MTO1: variants seen among roughly 807,000 people sequenced by gnomAD.
The protein encoded by MTO1 is mitochondrial tRNA translation optimization 1.
In MTO1, 46 loss-of-function variants were observed where a neutral mutation model predicts 71.6. The observed-to-expected ratio is 0.64, with a 90% CI of 0.51 to 0.82. The LOEUF is 0.82. Among genes scored for constraint, MTO1 ranks in the 40% least tolerant of loss-of-function variants. The pLI is 0.00. For synonymous variants in MTO1, 297 were observed against 312.1 expected (o/e 0.95, Z 0.51); for missense variants, 773 against 867.5 (o/e 0.89, Z 1.37).
At chr6:73,468,358 A>G (rs1275180813) in intron 3 of MTO1, among the ~76,000 whole-genome samples, 1 of 152,028 alleles carries the variant, frequency 6.6e-6, no homozygotes, top group Non-Finnish European at 1.5e-5. Context: ...ACCTCAAGCG[A>G]TCCGCCCACC....
intron 4 of MTO1, among the ~76,000 whole-genome samples, chr6:73,475,163 A>G (rs985778578): frequency 1.3e-5 from 2 of 151,762 alleles, no homozygotes; most frequent in East Asian, 2.0e-4. Flanking sequence ...GGGTCTCGCC[A>G]TATTGCCCAG....
rs1401370703 is a variant in MTO1 at position 73,480,000 on chromosome 6, G to C, written c.1003G>C (p.Glu335Gln). Residue 335 changes from glutamate to glutamine, a missense_variant, in exon 6 of 12, where the codon GAA becomes CAA. By Grantham distance (29) the Glu-to-Gln change is conservative. Coordinates refer to ENST00000498286, the MANE Select transcript of MTO1 (RefSeq NM_012123.4). ...FPNRLHQVWLEPEGMDSDLIY... is the reference protein window; with the variant it reads ...FPNRLHQVWLQPEGMDSDLIY... ...AAACCGTCTACATCAGGTTTGGTTGGAACCTGAAGGAATGGATTCTGACCT... is the reference window on the plus strand; with the variant it reads ...AAACCGTCTACATCAGGTTTGGTTGCAACCTGAAGGAATGGATTCTGACCT... The C allele has an allele frequency of 6.2e-7, 1 of 1,614,084 alleles. No individual in the cohort carries two copies. The highest frequency in any genetic ancestry group is 8.5e-7 in the Non-Finnish European group (1 of 1,179,982).
chr6:73,493,552 G>A (rs1340234298), intron 10 of MTO1, among the ~76,000 whole-genome samples: 1 of 151,514 alleles, frequency 6.6e-6, no homozygotes, highest in African/African-American at 2.4e-5. Flanking sequence ...CACAAGGCCC[G>A]GCAAATTTTT....
chr6:73,494,739 G>A (rs1771934876), intron 10 of MTO1, among the ~76,000 whole-genome samples: 1 of 149,360 alleles, frequency 6.7e-6, no homozygotes, highest in Admixed American at 6.7e-5. Flanking sequence ...GCCTCCCAAA[G>A]TGCTGGGATT....
At chr6:73,494,905 A>G (rs965467433) in intron 10 of MTO1, among the ~76,000 whole-genome samples, 7 of 148,842 alleles carry the variant, frequency 4.7e-5, no homozygotes, top group Non-Finnish European at 8.9e-5. Flanking sequence ...TCAGCCTCTC[A>G]GGTAGCTGGG....
rs1462823709 is a variant in MTO1 at position 73,461,983 on chromosome 6, T to G, written c.129T>G (p.Gly43=). The G allele has an allele frequency of 3.7e-6, 6 of 1,614,050 alleles. No individual in the cohort carries two copies. Among genetic ancestry groups the G allele is most frequent in the Non-Finnish European group, 5.1e-6 (6 of 1,180,038 alleles). The change falls in exon 1 of 12, where the codon GGT becomes GGG. Residue 43 remains glycine, a synonymous_variant. Coordinates refer to ENST00000498286, the MANE Select transcript of MTO1 (RefSeq NM_012123.4). ...RTPHFDVIVI[G]GGHAGTEAAT... ...CGCACTTCGACGTGATAGTCATTGG[T>G]GGAGGACATGCCGGGACTGAGGCAG... is the stretch of plus-strand genomic sequence containing the variant.
chr6:73,493,324 C>T (rs2150042839), intron 10 of MTO1, among the ~76,000 whole-genome samples: 1 of 142,500 alleles, frequency 7.0e-6, no homozygotes, highest in African/African-American at 2.6e-5. Context: ...AGGAGGGCAC[C>T]ACAGTACCAC....
In MTO1 at chr6:73,461,971, G is replaced by A; in HGVS notation, c.117G>A (p.Val39=). ...CGCCCCGGACTCCGCACTTCGACGT[G>A]ATAGTCATTGGTGGAGGACATGCCG... ...SAAPRTPHFD[V]IVIGGGHAGT... The change falls in exon 1 of 12, where the codon GTG becomes GTA. Residue 39 remains valine (V), a synonymous_variant. Coordinates refer to ENST00000498286, the MANE Select transcript of MTO1 (RefSeq NM_012123.4). 1.2e-6 allele frequency: 2 copies of A among 1,614,252 alleles called. No individual in the cohort carries two copies. The highest frequency in any genetic ancestry group is 1.7e-6 in the Non-Finnish European group (2 of 1,180,040).
In MTO1 at chr6:73,479,916, A is replaced by G. The variant is rs1339601009; in HGVS notation, c.939-20A>G. 1 of 1,606,192 alleles carries G rather than the reference A, an allele frequency of 6.2e-7. No homozygotes were observed. Among genetic ancestry groups the G allele is most frequent in the Admixed American group, 1.7e-5 (1 of 59,228 alleles). ...ATCCTCTTTTGTTCATTTCAAGTTT[A>G]TTTAAATGTTCTATTCTAGATACTG... On this transcript the variant is annotated intron_variant, in intron 5 of 11. Transcript: ENST00000498286.
chr6:73,465,271 C>G (rs1166543915), intron 1 of MTO1, among the ~76,000 whole-genome samples: 1 of 151,794 alleles, frequency 6.6e-6, no homozygotes, highest in East Asian at 1.9e-4. Context: ...TCAAGCGATT[C>G]TTTTGCCTCA....
chr6:73,497,715 G>A (rs369526729), intron 10 of MTO1, 21 bp from the exon 11 acceptor site: 24 of 1,604,466 alleles, frequency 1.5e-5, no homozygotes, highest in South Asian at 6.6e-5. Flanking sequence ...ATTATAACAT[G>A]ATTCTGATTT....
At chr6:73,491,396 CAAAAAAA>C (rs1223217073) in intron 9 of MTO1, among the ~76,000 whole-genome samples, 1 of 133,746 alleles carries the variant, frequency 7.5e-6, no homozygotes, top group Admixed American at 8.1e-5. Context: ...CCTGTCTCTA[CAAAAAAA>C]AAAAAAAAAA....
intron 10 of MTO1, chr6:73,492,646 CA>C: frequency 2.0e-4 from 46 of 234,268 alleles, no homozygotes; most frequent in South Asian, 3.8e-4. Context: ...CCTGTCTCTA[CA>C]AAAAAAATAC....
At chr6:73,477,393 CAAAAAAA>C (rs34672070) in intron 4 of MTO1, among the ~76,000 whole-genome samples, 2 of 73,204 alleles carry the variant, frequency 2.7e-5, no homozygotes, top group Non-Finnish European at 5.1e-5. Context: ...GACTATGTCT[CAAAAAAA>C]AAAAAAAAAA....
At chr6:73,485,310 A>G (rs1226151125) in intron 9 of MTO1, among the ~76,000 whole-genome samples, 1 of 152,098 alleles carries the variant, frequency 6.6e-6, no homozygotes, top group Non-Finnish European at 1.5e-5. Context: ...GATTTTTTTT[A>G]AAAAGGTCAG....
chr6:73,484,858 C>G (rs72960049), intron 9 of MTO1, among the ~76,000 whole-genome samples: 5,121 of 151,956 alleles, frequency 0.034, 296 homozygotes, highest in Admixed American at 0.15. Flanking sequence ...AAGTCAAGAC[C>G]AGACATGGCA....
In MTO1 at chr6:73,479,723, G is replaced by T; in HGVS notation, c.826-9G>T. The T allele has an allele frequency of 6.3e-7, 1 of 1,599,800 alleles. No homozygotes were observed. Among genetic ancestry groups the T allele is most frequent in the Non-Finnish European group, 8.5e-7 (1 of 1,170,278 alleles). On this transcript the variant is annotated splice_polypyrimidine_tract_variant and intron_variant, in intron 4 of 11. Coordinates refer to ENST00000498286, the MANE Select transcript of MTO1 (RefSeq NM_012123.4). The stretch of plus-strand genomic sequence containing the variant: ...CAAATCAGTATTGCATCTGGTTACT[G>T]TTTTTTAGCCAGAAGATCAGCTGCC...
intron 3 of MTO1, among the ~76,000 whole-genome samples, chr6:73,467,240 G>A (rs1295113690): frequency 6.6e-6 from 1 of 152,112 alleles, no homozygotes; most frequent in Admixed American, 6.6e-5. Context: ...CTTGAGCCCA[G>A]GAGGTTGAGA....
rs1306701356 is a variant in MTO1, at chr6:73,504,220, C to G, written c.*3485C>G. On this transcript the variant is annotated 3_prime_UTR_variant, in exon 12 of 12. Transcript: ENST00000498286. ...GATTACAGCTCACTGCAGCCTCAAC[C>G]TCCCTGGCTCTAGCTATTCTCCCAT... is the stretch of plus-strand genomic sequence containing the variant. The G allele has an allele frequency of 6.6e-6, 1 of 152,304 alleles. No individual in the cohort carries two copies. The highest frequency in any genetic ancestry group is 2.4e-5 in the African/African-American group (1 of 41,462). 9.4% of individuals were successfully genotyped at this position (152,304 alleles called of 1,614,324 possible). A position where few individuals can be genotyped will look rare whatever the true frequency, so the allele number is the denominator to read the frequency against.
Sources: allele counts gnomAD v4.1 joint callset (sites outside exome capture counted in the v4.1 genomes callset), GRCh38; gene constraint gnomAD v4.1.1; transcripts MANE v1.5; gene names NCBI Gene and HGNC (gene_info 2026-07-23, HGNC 2026-07-21).